The following KHDRBS2 variants were observed in gnomAD, a reference collection of about 807,000 sequenced individuals.
KHDRBS2 encodes KH RNA binding domain containing, signal transduction associated 2.
KHDRBS2 carries 26 observed loss-of-function variants against 44.3 expected under a neutral mutation model. That is an observed-to-expected ratio of 0.59 (90% CI 0.43 to 0.81). The LOEUF is 0.81. KHDRBS2 is among the 40% of genes least tolerant of loss of function. KHDRBS2 has a pLI of 0.00. For synonymous variants in KHDRBS2, 194 were observed against 151.1 expected, an observed-to-expected ratio of 1.28 and a Z score of -2.08; for missense variants, 476 against 433.1, an observed-to-expected ratio of 1.10 and a Z score of -0.88.
At chr6:61,688,243 G>T (rs1561971123) in intron 8 of KHDRBS2, among the ~76,000 whole-genome samples, 1 of 151,808 alleles carries the variant, frequency 6.6e-6, no homozygotes, top group Non-Finnish European at 1.5e-5. Flanking sequence ...AGGAGACAAA[G>T]AAGCTAGCTA....
At chr6:62,194,925 A>G (rs528605485) in intron 1 of KHDRBS2, among the ~76,000 whole-genome samples, 38 of 151,988 alleles carry the variant, frequency 2.5e-4, no homozygotes, top group Non-Finnish European at 5.0e-4. Flanking sequence ...GGTCCCTTGG[A>G]TTTCCATATG....
At position 62,268,948 on chromosome 6, in the gene KHDRBS2, C is replaced by A. The variant is rs1248157577; in HGVS notation, c.91+16910G>T. Among the ~76,000 whole-genome samples the A allele has an allele frequency of 8.6e-5, 13 of 151,978 alleles. 1 individual carries two copies. The highest frequency in any genetic ancestry group is 2.9e-5 in the Non-Finnish European group (2 of 67,960). On this transcript the variant is annotated intron_variant, in intron 1 of 8. Transcript: ENST00000281156. Reference sequence around the variant, plus strand: ...TTTTGGCAGATTTCATATATTTAAACACAAACCTTCATTGTATTTACACTG... The same window carrying A: ...TTTTGGCAGATTTCATATATTTAAAAACAAACCTTCATTGTATTTACACTG...
chr6:62,152,621 G>C (rs1436950364), intron 2 of KHDRBS2, among the ~76,000 whole-genome samples: 1 of 152,158 alleles, frequency 6.6e-6, no homozygotes, highest in African/African-American at 2.4e-5. Flanking sequence ...AGTAGAATTT[G>C]CATAGGAGAC....
At chr6:61,600,170 G>A in the KHDRBS2 span, among the ~76,000 whole-genome samples, 1 of 152,076 alleles carries the variant, frequency 6.6e-6, no homozygotes, top group African/African-American at 2.4e-5. Flanking sequence ...TAACACCTGG[G>A]AATATGAGTG....
At chr6:61,665,522 GTAGAAAA>G in the KHDRBS2 span, among the ~76,000 whole-genome samples, 1 of 151,142 alleles carries the variant, frequency 6.6e-6, no homozygotes, top group African/African-American at 2.4e-5. Flanking sequence ...CTGGCTTAAT[GTAGAAAA>G]AAATAAACTT....
chr6:62,053,502 C>T (rs1473074314), intron 2 of KHDRBS2, among the ~76,000 whole-genome samples: 1 of 151,850 alleles, frequency 6.6e-6, no homozygotes, highest in Non-Finnish European at 1.5e-5. Context: ...TTGTAATTTA[C>T]CCATTAACAA....
chr6:61,638,030 T>C, the KHDRBS2 span, among the ~76,000 whole-genome samples: 1 of 152,108 alleles, frequency 6.6e-6, no homozygotes, highest in Non-Finnish European at 1.5e-5. Context: ...AGAAGCTCTT[T>C]AGTTTAATTA....
the KHDRBS2 span, among the ~76,000 whole-genome samples, chr6:61,671,390 A>T: frequency 6.6e-6 from 1 of 151,650 alleles, no homozygotes; most frequent in Non-Finnish European, 1.5e-5. Flanking sequence ...GTATAAAGAA[A>T]GATAAGCCAG....
At chr6:61,774,773 C>T (rs1024293841) in intron 6 of KHDRBS2, among the ~76,000 whole-genome samples, 8 of 152,090 alleles carry the variant, frequency 5.3e-5, no homozygotes, top group Non-Finnish European at 1.0e-4. Context: ...AAGAGGGAAT[C>T]CTCCCTAACT....
chr6:62,269,569 A>G (rs1418257118), intron 1 of KHDRBS2, among the ~76,000 whole-genome samples: 1 of 152,136 alleles, frequency 6.6e-6, no homozygotes, highest in Non-Finnish European at 1.5e-5. Flanking sequence ...GCTGTTGTTA[A>G]AAAGACTGAG....
intron 4 of KHDRBS2, among the ~76,000 whole-genome samples, chr6:61,959,301 A>G (rs1768116654): frequency 6.6e-6 from 1 of 152,188 alleles, no homozygotes; most frequent in Non-Finnish European, 1.5e-5. Flanking sequence ...CAAGTCTGGT[A>G]GCTCTTAATA....
chr6:61,912,307 A>G (rs1388632355), intron 4 of KHDRBS2, among the ~76,000 whole-genome samples: 1 of 152,210 alleles, frequency 6.6e-6, no homozygotes, highest in Non-Finnish European at 1.5e-5. Flanking sequence ...TAGAATTACA[A>G]AATGAAAAGA....
At chr6:62,196,799 T>C (rs910734594) in intron 1 of KHDRBS2, among the ~76,000 whole-genome samples, 1 of 151,974 alleles carries the variant, frequency 6.6e-6, no homozygotes, top group Non-Finnish European at 1.5e-5. Context: ...GTGCTCAGAA[T>C]ATGTACTAGA....
chr6:62,211,799 T>C (rs1235029883), intron 1 of KHDRBS2, among the ~76,000 whole-genome samples: 2 of 152,134 alleles, frequency 1.3e-5, no homozygotes, highest in Admixed American at 6.5e-5. Flanking sequence ...ACCAATTCTA[T>C]TTCTGGGTAT....
chr6:62,065,443 C>A (rs1337526725), intron 2 of KHDRBS2, among the ~76,000 whole-genome samples: 1 of 116,178 alleles, frequency 8.6e-6, no homozygotes, highest in African/African-American at 2.9e-5. Flanking sequence ...CCATGGAATA[C>A]TATGCACCCA....
intron 6 of KHDRBS2, among the ~76,000 whole-genome samples, chr6:61,826,814 TG>T (rs1345910303): frequency 1.3e-5 from 2 of 152,100 alleles, no homozygotes; most frequent in African/African-American, 2.4e-5. Flanking sequence ...CCATAAAATT[TG>T]GGAAGTTTTT....
chr6:62,089,166 G>A (rs1354873012), intron 2 of KHDRBS2, among the ~76,000 whole-genome samples: 2 of 151,692 alleles, frequency 1.3e-5, no homozygotes, highest in African/African-American at 4.8e-5. Flanking sequence ...CTCTGTGGGG[G>A]TGGGATCCCC....
chr6:62,090,256 G>T (rs1480960557), intron 2 of KHDRBS2, among the ~76,000 whole-genome samples: 7 of 152,306 alleles, frequency 4.6e-5, no homozygotes, highest in African/African-American at 1.4e-4. Context: ...GAAAAGGTTA[G>T]AAATTTTTAA....
At chr6:62,209,089 T>A (rs1478788448) in intron 1 of KHDRBS2, among the ~76,000 whole-genome samples, 2 of 152,170 alleles carry the variant, frequency 1.3e-5, no homozygotes, top group Non-Finnish European at 2.9e-5. Context: ...GAAACATACT[T>A]CTTAGCCACA....
Sources: allele counts gnomAD v4.1 joint callset (sites outside exome capture counted in the v4.1 genomes callset), GRCh38; gene constraint gnomAD v4.1.1; transcripts MANE v1.5; gene names NCBI Gene and HGNC (gene_info 2026-07-23, HGNC 2026-07-21).